The following GNG12 variants were observed in gnomAD, a reference collection of about 807,000 sequenced individuals.
GNG12 encodes the protein G protein subunit gamma 12.
For missense variants in GNG12, 69 were observed against 83.8 expected, an observed-to-expected ratio of 0.82 and a Z score of 0.69; for synonymous variants, 28 against 29.7, an observed-to-expected ratio of 0.94 and a Z score of 0.19.
rs144179724 is a variant in GNG12, at chr1:67,820,413, T to C, written c.-77+12931A>G. On this transcript the variant is annotated intron_variant, in intron 1 of 3. Coordinates refer to ENST00000370982, the MANE Select transcript of GNG12 (RefSeq NM_018841.6). ...AAAAAAAAGATCAACTTGGAGCTTA[T>C]TAACAACTGAAAAACAGATGAAGAG... Among the ~76,000 whole-genome samples the C allele has an allele frequency of 9.8e-3, 1,482 of 151,626 alleles. 18 individuals carry two copies. The highest frequency in any genetic ancestry group is 0.034 in the African/African-American group (1,418 of 41,308).
At chr1:67,802,237 T>C (rs1300291357) in intron 1 of GNG12, among the ~76,000 whole-genome samples, 1 of 151,996 alleles carries the variant, frequency 6.6e-6, no homozygotes, top group African/African-American at 2.4e-5. Flanking sequence ...AGGGAAGGAA[T>C]GGATGAAGGA....
intron 2 of GNG12, among the ~76,000 whole-genome samples, chr1:67,737,577 A>G (rs1367888478): frequency 6.6e-6 from 1 of 151,902 alleles, no homozygotes; most frequent in Non-Finnish European, 1.5e-5. Context: ...GGACTAGATC[A>G]GTGTTTCCTC....
intron 1 of GNG12, among the ~76,000 whole-genome samples, chr1:67,782,749 A>C (rs1646744557): frequency 6.6e-6 from 1 of 152,180 alleles, no homozygotes; most frequent in Non-Finnish European, 1.5e-5. Flanking sequence ...GAAATGTTAC[A>C]CTCAACATAA....
At chr1:67,756,715 T>C (rs1356290253) in intron 2 of GNG12, among the ~76,000 whole-genome samples, 2 of 152,230 alleles carry the variant, frequency 1.3e-5, no homozygotes, top group African/African-American at 4.8e-5. Flanking sequence ...GGTCCCAGCA[T>C]GGCCACAGAT....
At chr1:67,773,737 ATT>A (rs1221315419) in intron 2 of GNG12, among the ~76,000 whole-genome samples, 2 of 152,120 alleles carry the variant, frequency 1.3e-5, no homozygotes, top group African/African-American at 2.4e-5. Flanking sequence ...TCAGGAAGTT[ATT>A]TTTCTTTTAG....
chr1:67,770,967 CAT>C (rs1491436959), intron 2 of GNG12, among the ~76,000 whole-genome samples: 1 of 151,934 alleles, frequency 6.6e-6, no homozygotes, highest in African/African-American at 2.4e-5. Context: ...AACCTGTGTG[CAT>C]GTGTGTGTGC....
intron 2 of GNG12, among the ~76,000 whole-genome samples, chr1:67,776,140 G>C (rs1646704005): frequency 6.6e-6 from 1 of 152,072 alleles, no homozygotes; most frequent in South Asian, 2.1e-4. Flanking sequence ...TAGAAAACCT[G>C]GTATTTGCAA....
intron 2 of GNG12, among the ~76,000 whole-genome samples, chr1:67,709,974 TTATATA>T (rs5774884): frequency 8.1e-5 from 1 of 12,270 alleles, no homozygotes; most frequent in African/African-American, 2.6e-4. Flanking sequence ...ATATATATAG[TTATATA>T]TATATAGTTA....
chr1:67,768,260 G>A (rs762257735), intron 2 of GNG12, among the ~76,000 whole-genome samples: 1 of 152,174 alleles, frequency 6.6e-6, no homozygotes, highest in Non-Finnish European at 1.5e-5. Context: ...TAAGAGGTAA[G>A]CGACTTGTCC....
intron 1 of GNG12, 91 bp downstream of exon 1, chr1:67,833,253 C>A (rs987124806): frequency 1.1e-5 from 3 of 284,408 alleles, no homozygotes; most frequent in African/African-American, 2.3e-5. Context: ...GACTCGGAGG[C>A]GGCCCCCGAA....
intron 1 of GNG12, among the ~76,000 whole-genome samples, chr1:67,829,895 A>G (rs1192780553): frequency 1.3e-5 from 2 of 152,152 alleles, no homozygotes; most frequent in East Asian, 3.8e-4. Context: ...AAAATGAGAA[A>G]TCATCTGTGG....
chr1:67,763,989 T>C (rs1167221217), intron 2 of GNG12, among the ~76,000 whole-genome samples: 1 of 152,158 alleles, frequency 6.6e-6, no homozygotes, highest in Non-Finnish European at 1.5e-5. Flanking sequence ...CACCTTAAAT[T>C]GTGGTTATAA....
At chr1:67,739,061 C>A (rs1286874424) in intron 2 of GNG12, among the ~76,000 whole-genome samples, 1 of 152,128 alleles carries the variant, frequency 6.6e-6, no homozygotes, top group Non-Finnish European at 1.5e-5. Context: ...CGTCTGTAGT[C>A]CCAGCTACTT....
At chr1:67,768,143 T>G (rs984042076) in intron 2 of GNG12, among the ~76,000 whole-genome samples, 6 of 152,264 alleles carry the variant, frequency 3.9e-5, no homozygotes, top group African/African-American at 1.4e-4. Flanking sequence ...ATTTGCATCC[T>G]GTGAACCACA....
At chr1:67,709,906 ATATAGT>A (rs1384961901) in intron 2 of GNG12, among the ~76,000 whole-genome samples, 1 of 54,938 alleles carries the variant, frequency 1.8e-5, no homozygotes, top group East Asian at 4.9e-4. Flanking sequence ...ATATATTTTT[ATATAGT>A]TATATATATA....
chr1:67,707,833 A>T, intron 2 of GNG12, 121 bp from the exon 3 acceptor site: 1 of 572,518 alleles, frequency 1.7e-6, no homozygotes, highest in Non-Finnish European at 3.0e-6. Context: ...AGCTTCTTGG[A>T]GGCAGTTACT....
intron 1 of GNG12, among the ~76,000 whole-genome samples, chr1:67,802,480 C>T (rs1416691005): frequency 6.6e-6 from 1 of 152,182 alleles, no homozygotes; most frequent in Non-Finnish European, 1.5e-5. Context: ...TTTCAGGCTC[C>T]AGACTTCTGC....
chr1:67,815,570 G>T (rs960953320), intron 1 of GNG12, among the ~76,000 whole-genome samples: 1 of 152,200 alleles, frequency 6.6e-6, no homozygotes, highest in African/African-American at 2.4e-5. Flanking sequence ...TGTCGAAATG[G>T]AAGCGGTGAC....
chr1:67,768,731 T>C (rs117181458), intron 2 of GNG12, among the ~76,000 whole-genome samples: 159 of 152,322 alleles, frequency 1.0e-3, no homozygotes, highest in Non-Finnish European at 1.6e-3. Flanking sequence ...AGTGTCTCAA[T>C]AGATAAGGAA....
Sources: allele counts gnomAD v4.1 joint callset (sites outside exome capture counted in the v4.1 genomes callset), GRCh38; gene constraint gnomAD v4.1.1; transcripts MANE v1.5; gene names NCBI Gene and HGNC (gene_info 2026-07-23, HGNC 2026-07-21).